The following RGS9 variants were observed in gnomAD, a reference collection of about 807,000 sequenced individuals.
RGS9 encodes regulator of G protein signaling 9.
RGS9 carries 78 observed loss-of-function variants against 102.0 expected under a neutral mutation model. The observed-to-expected ratio is 0.76, with a 90% CI of 0.64 to 0.92. The LOEUF (loss-of-function observed/expected upper bound fraction) is 0.92. RGS9 is among the 40% of genes least tolerant of loss of function. The pLI is 0.00. For synonymous variants in RGS9, 353 were observed against 318.6 expected (o/e 1.11, Z -1.15); for missense variants, 833 against 866.1 (o/e 0.96, Z 0.48).
chr17:65,173,275 T>C lies in RGS9; in HGVS notation c.583-4457T>C, dbSNP rs1256570113. On this transcript the variant is annotated intron_variant, in intron 8 of 18. Transcript: ENST00000262406. The surrounding 1 kb of genome is among the most constrained non-coding windows in gnomAD (Gnocchi z 4.8). ...TTTGTTTAGAAAACGAGTTAGTGTT[T>C]TACTTAGTATTTGTTTTCTGTTCCA... is the stretch of plus-strand genomic sequence containing the variant. 2.0e-5 allele frequency among the ~76,000 whole-genome samples: 3 copies of C among 152,124 alleles called. No individual in the cohort carries two copies. The highest frequency in any genetic ancestry group is 4.4e-5 in the Non-Finnish European group (3 of 68,022).
chr17:65,139,252 G>C (rs1218392709), intron 1 of RGS9, among the ~76,000 whole-genome samples: 19 of 86,108 alleles, frequency 2.2e-4, no homozygotes, highest in East Asian at 6.6e-4. Flanking sequence ...TCCCCCTCCT[G>C]CATCCCAGCT....
At chr17:65,187,711 C>A (rs554808532) in intron 9 of RGS9, among the ~76,000 whole-genome samples, 13 of 152,140 alleles carry the variant, frequency 8.5e-5, no homozygotes, top group Non-Finnish European at 1.6e-4. Flanking sequence ...AGAGGGTCCG[C>A]GTGAGGCCGG....
At chr17:65,201,371 T>C (rs1912836178) in intron 13 of RGS9, among the ~76,000 whole-genome samples, 1 of 152,190 alleles carries the variant, frequency 6.6e-6, no homozygotes, top group African/African-American at 2.4e-5. Flanking sequence ...CCATCAGCAC[T>C]GCTTCTTGAA....
chr17:65,174,568 AGT>A (rs1169138446), intron 8 of RGS9, among the ~76,000 whole-genome samples: 1 of 151,494 alleles, frequency 6.6e-6, no homozygotes, highest in African/African-American at 2.4e-5. Flanking sequence ...CATGTATGTG[AGT>A]GTGAGTGTGC....
intron 1 of RGS9, 127 bp from the exon 2 acceptor site, chr17:65,153,295 T>C: frequency 1.2e-6 from 1 of 817,028 alleles, no homozygotes; most frequent in Non-Finnish European, 2.2e-6. Flanking sequence ...ACCTGGCTCC[T>C]GTACCAGATG....
At chr17:65,160,200 T>C in intron 3 of RGS9, 33 bp from the exon 4 acceptor site, 1 of 1,534,068 alleles carries the variant, frequency 6.5e-7, no homozygotes, top group Non-Finnish European at 9.0e-7. Context: ...TCAGCCCTGC[T>C]CTTAACATCC....
chr17:65,150,485 G>C (rs1275716074), intron 1 of RGS9, among the ~76,000 whole-genome samples: 1 of 152,064 alleles, frequency 6.6e-6, no homozygotes, highest in African/African-American at 2.4e-5. Flanking sequence ...AGCTGGGCGT[G>C]GTGGCGGGCA....
Position 65,210,136 on chromosome 17 carries a change from C to T in RGS9, c.1290-352C>T, listed in dbSNP as rs150467499. On this transcript the variant is annotated intron_variant, in intron 16 of 18. Transcript: ENST00000262406. ...AAGAAAATAAACAAATGCTCCAACT[C>T]TCTCCAGTACCCAAGCCTTCATTAT... Among the ~76,000 whole-genome samples, 367 of 152,284 alleles carry T rather than the reference C, an allele frequency of 2.4e-3. 1 individual carries two copies. The highest frequency in any genetic ancestry group is 8.2e-3 in the African/African-American group (339 of 41,558).
At chr17:65,179,821 G>A (rs1251798456) in intron 9 of RGS9, among the ~76,000 whole-genome samples, 1 of 152,048 alleles carries the variant, frequency 6.6e-6, no homozygotes, top group Non-Finnish European at 1.5e-5. Context: ...TGTGCTCCTT[G>A]GCCTTCAGAG....
At chr17:65,184,040 C>T (rs975904690) in intron 9 of RGS9, among the ~76,000 whole-genome samples, 6 of 152,178 alleles carry the variant, frequency 3.9e-5, no homozygotes, top group African/African-American at 1.4e-4. Flanking sequence ...AAGTGTGTCG[C>T]TGAGATGAGG....
chr17:65,160,946 G>T, intron 6 of RGS9, 37 bp downstream of exon 6: 1 of 1,533,572 alleles, frequency 6.5e-7, no homozygotes, highest in South Asian at 1.1e-5. Flanking sequence ...TGTTATAATT[G>T]AGTGGAAGAT....
chr17:65,159,554 C>T (rs966768788), intron 3 of RGS9, among the ~76,000 whole-genome samples: 3 of 152,022 alleles, frequency 2.0e-5, no homozygotes, highest in Non-Finnish European at 4.4e-5. Flanking sequence ...GGGTTGGGTC[C>T]TTGGGCTGGG....
intron 13 of RGS9, among the ~76,000 whole-genome samples, chr17:65,199,897 T>C (rs2144086945): frequency 6.6e-6 from 1 of 152,392 alleles, no homozygotes; most frequent in African/African-American, 2.4e-5. Flanking sequence ...TATCCATTTG[T>C]AAGTTAATGA....
chr17:65,212,660 GTGGTCAC>G (rs1567891923), intron 17 of RGS9, among the ~76,000 whole-genome samples: 1 of 152,226 alleles, frequency 6.6e-6, no homozygotes, highest in African/African-American at 2.4e-5. Context: ...TAAGGAGTCT[GTGGTCAC>G]TGGTTTCATG....
rs1910948989 is a variant in RGS9 at position 65,160,690 on chromosome 17, C to T, written c.364+103C>T. Reference sequence around the variant, plus strand: ...TTGTCTTGCTGTCATCATGACCTTTCTGTCAGTCCACATCTGTACTGGGCA... The same window carrying T: ...TTGTCTTGCTGTCATCATGACCTTTTTGTCAGTCCACATCTGTACTGGGCA... On this transcript the variant is annotated intron_variant, in intron 5 of 18. Transcript: ENST00000262406. 4 of 1,443,152 alleles carry T rather than the reference C, an allele frequency of 2.8e-6. No individual in the cohort carries two copies. In the Admixed American group the frequency reaches 7.2e-5, roughly 26 times the overall value. 89.4% of individuals were successfully genotyped at this position (1,443,152 alleles called of 1,614,324 possible). A position where few individuals can be genotyped will look rare whatever the true frequency, so the allele number is the denominator to read the frequency against.
At chr17:65,192,276 G>A (rs1912397401) in intron 11 of RGS9, among the ~76,000 whole-genome samples, 1 of 152,144 alleles carries the variant, frequency 6.6e-6, no homozygotes, top group Non-Finnish European at 1.5e-5. Flanking sequence ...ACTACAGACT[G>A]GGAAGGGAAG....
At chr17:65,148,620 C>T (rs964617790) in intron 1 of RGS9, among the ~76,000 whole-genome samples, 7 of 152,306 alleles carry the variant, frequency 4.6e-5, no homozygotes, top group Admixed American at 2.0e-4. Flanking sequence ...CCTTGGAGTG[C>T]GGCCTGGTCC....
intron 14 of RGS9, among the ~76,000 whole-genome samples, chr17:65,203,801 C>A (rs1342434461): frequency 6.6e-6 from 1 of 152,188 alleles, no homozygotes; most frequent in Non-Finnish European, 1.5e-5. Context: ...GGTGTCTTAG[C>A]CTGGTCCCAG....
At chr17:65,197,664 G>C (rs73347657) in intron 13 of RGS9, among the ~76,000 whole-genome samples, 30,585 of 151,184 alleles carry the variant, frequency 0.2, 5,199 homozygotes, top group African/African-American at 0.44. Context: ...TTTTTTCTTT[G>C]TTTCTTTCTT....
Sources: allele counts gnomAD v4.1 joint callset (sites outside exome capture counted in the v4.1 genomes callset), GRCh38; gene constraint gnomAD v4.1.1; non-coding constraint Gnocchi (gnomAD v3.1); transcripts MANE v1.5; gene names NCBI Gene and HGNC (gene_info 2026-07-23, HGNC 2026-07-21).